The following DLGAP2 variants were observed in gnomAD, a reference collection of about 807,000 sequenced individuals.
DLGAP2 encodes the protein DLG associated protein 2.
In DLGAP2, 26 loss-of-function variants were observed where a neutral mutation model predicts 100.3. The ratio of observed to expected loss-of-function variants is 0.26; its 90% CI spans 0.19 to 0.36. The LOEUF (loss-of-function observed/expected upper bound fraction) is 0.36, where lower values mean the gene tolerates loss of function less well. DLGAP2 is among the 10% of genes least tolerant of loss of function. DLGAP2 has a pLI of 1.00. For missense variants in DLGAP2, 1,858 were observed against 1,453.2 expected, an observed-to-expected ratio of 1.28 and a Z score of -4.53; for synonymous variants, 886 against 630.1, an observed-to-expected ratio of 1.41 and a Z score of -6.08.
At chr8:845,273 G>C (rs576582907) in intron 1 of DLGAP2, among the ~76,000 whole-genome samples, 3 of 152,108 alleles carry the variant, frequency 2.0e-5, no homozygotes, top group Non-Finnish European at 2.9e-5. Flanking sequence ...CGTATAGGAG[G>C]GTTCTGATTT....
rs183574617 is a variant in DLGAP2 at position 1,686,987 on chromosome 8, A to T, written c.2705-4548A>T. On this transcript the variant is annotated intron_variant, in intron 12 of 14. Coordinates refer to ENST00000637795, the MANE Select transcript of DLGAP2 (RefSeq NM_001346810.2). ...TCAAATATCATATGTGCCCCCAATA[A>T]TATGTACAACTGTGATAAATCCATT... Among the ~76,000 whole-genome samples the T allele has an allele frequency of 3.3e-3, 505 of 152,254 alleles. 3 individuals are homozygous for T. Among genetic ancestry groups the T allele is most frequent in the African/African-American group, 0.011 (469 of 41,548 alleles).
At chr8:1,509,620 T>C (rs1260258484) in intron 4 of DLGAP2, among the ~76,000 whole-genome samples, 1 of 152,160 alleles carries the variant, frequency 6.6e-6, no homozygotes, top group East Asian at 1.9e-4. Context: ...AGGCAGGTTC[T>C]GCAGGCAAAG....
intron 2 of DLGAP2, among the ~76,000 whole-genome samples, chr8:1,029,688 G>A (rs1044638368): frequency 1.3e-5 from 2 of 152,164 alleles, no homozygotes; most frequent in African/African-American, 4.8e-5. Flanking sequence ...CTGGGTTAGA[G>A]AAAGGCGGGT....
At chr8:1,449,919 C>T (rs1438285263) in intron 3 of DLGAP2, among the ~76,000 whole-genome samples, 11 of 138,008 alleles carry the variant, frequency 8.0e-5, no homozygotes, top group African/African-American at 2.2e-4. Context: ...ACGAGGTGGG[C>T]GGCCTCGGTG....
chr8:1,251,718 C>T (rs144495380), intron 2 of DLGAP2, among the ~76,000 whole-genome samples: 2 of 152,362 alleles, frequency 1.3e-5, no homozygotes, highest in Non-Finnish European at 2.9e-5. Flanking sequence ...GTCATACAGC[C>T]ATGTGGCCAC....
intron 1 of DLGAP2, among the ~76,000 whole-genome samples, chr8:859,579 C>G (rs1797350541): frequency 6.6e-6 from 1 of 152,162 alleles, no homozygotes; most frequent in South Asian, 2.1e-4. Context: ...GCCCCCTGCC[C>G]AAACCTGCTG....
intron 3 of DLGAP2, among the ~76,000 whole-genome samples, chr8:1,336,771 C>T (rs1376622853): frequency 6.6e-6 from 1 of 152,224 alleles, no homozygotes; most frequent in African/African-American, 2.4e-5. Flanking sequence ...GGGCTCCTCT[C>T]ACCCTCTTTT....
At position 1,424,952 on chromosome 8, in the gene DLGAP2, T is replaced by G. The variant is rs567471396; in HGVS notation, c.107-76414T>G. On this transcript the variant is annotated intron_variant, in intron 3 of 14. Transcript: ENST00000637795. ...CGAGAAGTTCTGGAGATATTGGCAGTGATGGCTGCACAACAATGAGAAAGT... is the reference window on the plus strand; with the variant it reads ...CGAGAAGTTCTGGAGATATTGGCAGGGATGGCTGCACAACAATGAGAAAGT... 1.3e-3 allele frequency among the ~76,000 whole-genome samples: 196 copies of G among 152,294 alleles called. 2 individuals are homozygous for G. Among genetic ancestry groups the G allele is most frequent in the African/African-American group, 4.5e-3 (189 of 41,568 alleles).
intron 3 of DLGAP2, among the ~76,000 whole-genome samples, chr8:1,457,213 C>G (rs1462011540): frequency 6.6e-6 from 1 of 152,148 alleles, no homozygotes; most frequent in African/African-American, 2.4e-5. Flanking sequence ...ATTTGTTTTG[C>G]TTATCTACAT....
At chr8:811,927 C>T (rs541768240) in intron 1 of DLGAP2, among the ~76,000 whole-genome samples, 12 of 152,368 alleles carry the variant, frequency 7.9e-5, no homozygotes, top group South Asian at 2.1e-4. Context: ...GTTAGGCAAG[C>T]GTGAATTGGC....
At position 974,628 on chromosome 8, in the gene DLGAP2, A is replaced by G. The variant is rs1218166887; in HGVS notation, c.73+66662A>G. Among the ~76,000 whole-genome samples, 3 of 152,230 alleles carry G rather than the reference A, an allele frequency of 2.0e-5. No homozygotes were observed. The South Asian group carries it at 6.2e-4, about 31-fold the overall frequency. ...AGTTTCCAAAATATATAGATACTAA[A>G]CAACATACTTCTAAATAACACATTC... On this transcript the variant is annotated intron_variant, in intron 2 of 14. Coordinates refer to ENST00000637795, the MANE Select transcript of DLGAP2 (RefSeq NM_001346810.2).
At chr8:746,455 C>T (rs145704138) in intron 1 of DLGAP2, among the ~76,000 whole-genome samples, 1,764 of 152,326 alleles carry the variant, frequency 0.012, 15 homozygotes, top group Non-Finnish European at 0.018. Flanking sequence ...CAGGCCACGT[C>T]GGCAGGGGGG....
At chr8:973,699 CG>C (rs778198769) in intron 2 of DLGAP2, among the ~76,000 whole-genome samples, 9 of 152,252 alleles carry the variant, frequency 5.9e-5, no homozygotes, top group East Asian at 5.8e-4. Flanking sequence ...TTCTCTTTCA[CG>C]GTACCTCAGT....
In DLGAP2 at chr8:1,548,829, G is replaced by C; in HGVS notation, c.376G>C (p.Asp126His). ...GCCGCCCTACCTGCTGAGCCCCGCC[G>C]ACAGCTGCCCCGGGGGGCGCCACCG... ...ARPPYLLSPADSCPGGRHRCS... is the reference protein window; with the variant it reads ...ARPPYLLSPAHSCPGGRHRCS... The change falls in exon 5 of 15, where the codon GAC becomes CAC. Residue 126 changes from aspartate (D) to histidine (H), a missense_variant. Physicochemically the swap from Asp to His is moderately conservative, Grantham distance 81 (BLOSUM62 -1). Transcript: ENST00000637795. 6.3e-7 allele frequency: 1 copy of C among 1,580,034 alleles called. No individual in the cohort carries two copies. Among genetic ancestry groups the C allele is most frequent in the Non-Finnish European group, 8.6e-7 (1 of 1,167,048 alleles).
chr8:758,538 C>T (rs1164549613), intron 1 of DLGAP2, among the ~76,000 whole-genome samples: 2 of 152,108 alleles, frequency 1.3e-5, no homozygotes, highest in African/African-American at 4.8e-5. Flanking sequence ...GGAGAATCAC[C>T]GTTAGTCACT....
intron 2 of DLGAP2, among the ~76,000 whole-genome samples, chr8:1,025,159 CGT>C (rs759462001): frequency 6.6e-6 from 1 of 151,764 alleles, no homozygotes; most frequent in Non-Finnish European, 1.5e-5. Context: ...TGTGTGCGCA[CGT>C]GTGTGTGTCT....
intron 12 of DLGAP2, among the ~76,000 whole-genome samples, chr8:1,689,488 C>G (rs1390796324): frequency 2.6e-5 from 4 of 152,238 alleles, no homozygotes; most frequent in Admixed American, 1.3e-4. Context: ...TTTCCTACAC[C>G]ATTTTCCACC....
At chr8:1,053,150 T>G (rs571859598) in intron 2 of DLGAP2, among the ~76,000 whole-genome samples, 1 of 152,290 alleles carries the variant, frequency 6.6e-6, no homozygotes, top group South Asian at 2.1e-4. Flanking sequence ...GCTTTGTAAT[T>G]TTGGGTTATT....
chr8:828,061 A>G (rs1796715143), intron 1 of DLGAP2, among the ~76,000 whole-genome samples: 1 of 152,206 alleles, frequency 6.6e-6, no homozygotes, highest in Admixed American at 6.5e-5. Flanking sequence ...AGTACTTAAC[A>G]GGGTAATAGA....
Sources: allele counts gnomAD v4.1 joint callset (sites outside exome capture counted in the v4.1 genomes callset), GRCh38; gene constraint gnomAD v4.1.1; transcripts MANE v1.5; gene names NCBI Gene and HGNC (gene_info 2026-07-23, HGNC 2026-07-21).